The following CFAP97D2 variants were observed in gnomAD, a reference collection of about 807,000 sequenced individuals.
CFAP97D2 encodes the protein uncharacterized protein CFAP97D2.
At chr13:114,213,361 A>G (rs1052500882) in intron 4 of CFAP97D2, among the ~76,000 whole-genome samples, 6 of 146,980 alleles carry the variant, frequency 4.1e-5, no homozygotes, top group African/African-American at 1.5e-4. Flanking sequence ...AAGACCATGA[A>G]CCCCACCCCT....
rs777832456 is a variant in CFAP97D2 at position 114,222,193 on chromosome 13, G to A, written c.481-305G>A. On this transcript the variant is annotated intron_variant, in intron 4 of 4. Transcript: ENST00000646158. This position sits in a 1 kb window ranked among gnomAD's most constrained non-coding sequence, Gnocchi z 4.4. ...AAGTAATCAGTGGTTGTCGGGGCTG[G>A]GGGAAGGGAAATTGGGGAGTGATCC... 2.0e-5 allele frequency among the ~76,000 whole-genome samples: 3 copies of A among 152,174 alleles called. No individual in the cohort carries two copies. Among genetic ancestry groups the A allele is most frequent in the African/African-American group, 4.8e-5 (2 of 41,440 alleles).
At position 114,187,400 on chromosome 13, in the gene CFAP97D2, T is replaced by C. The variant is rs1048119545; in HGVS notation, c.90+7980T>C. Among the ~76,000 whole-genome samples the C allele has an allele frequency of 2.0e-5, 3 of 150,174 alleles. No homozygotes were observed. Among genetic ancestry groups the C allele is most frequent in the Non-Finnish European group, 4.4e-5 (3 of 67,596 alleles). On this transcript the variant is annotated intron_variant, in intron 1 of 4. Transcript: ENST00000646158. The surrounding 1 kb of genome is among the most constrained non-coding windows in gnomAD (Gnocchi z 4.2). ...GTTGTCCACAAGAAACCATTTTAAGTATAAAGACATATAGCTTAAAAGTAA... is the reference window on the plus strand; with the variant it reads ...GTTGTCCACAAGAAACCATTTTAAGCATAAAGACATATAGCTTAAAAGTAA...
At position 114,200,281 on chromosome 13, in the gene CFAP97D2, T is replaced by A. The variant is rs2080911302; in HGVS notation, c.172-44T>A. 7.6e-6 allele frequency: 3 copies of A among 396,200 alleles called. No homozygotes were observed. In the Admixed American group the frequency reaches 1.3e-4, roughly 18 times the overall value. The allele number at this position is 396,200 out of a possible 1,614,324, so 24.5% of individuals were successfully genotyped here. A position where few individuals can be genotyped will look rare whatever the true frequency, so the allele number is the denominator to read the frequency against. On this transcript the variant is annotated intron_variant, in intron 2 of 4. Coordinates refer to ENST00000646158, the Ensembl canonical transcript of CFAP97D2. ...CAGAAACGTGGCGTGAGGAAGAGCC[T>A]CGCAATCTGCCGGCGCTCCTCCAGC...
chr13:114,196,617 C>T (rs1181471689), intron 2 of CFAP97D2, 141 bp downstream of exon 2: 6 of 395,226 alleles, frequency 1.5e-5, no homozygotes, highest in African/African-American at 1.2e-4. Context: ...TTAATTAGCC[C>T]CGTCTGTCCG....
intron 4 of CFAP97D2, among the ~76,000 whole-genome samples, chr13:114,215,317 T>C (rs545716062): frequency 3.3e-4 from 51 of 152,356 alleles, no homozygotes; most frequent in African/African-American, 1.1e-3. Context: ...AGTAAGTATA[T>C]GTTATCAATA....
At chr13:114,209,355 C>T (rs2080956258) in intron 3 of CFAP97D2, among the ~76,000 whole-genome samples, 2 of 152,136 alleles carry the variant, frequency 1.3e-5, no homozygotes. Flanking sequence ...TAGGTGGTCT[C>T]ATAGAAGACC....
intron 4 of CFAP97D2, among the ~76,000 whole-genome samples, chr13:114,217,285 T>C (rs1034384329): frequency 6.6e-6 from 1 of 152,094 alleles, no homozygotes; most frequent in African/African-American, 2.4e-5. Context: ...CTAGAAGAAA[T>C]GGATAAATTC....
At chr13:114,197,247 C>G (rs936447444) in intron 2 of CFAP97D2, among the ~76,000 whole-genome samples, 9 of 152,136 alleles carry the variant, frequency 5.9e-5, no homozygotes, top group Non-Finnish European at 1.3e-4. Context: ...TGAAATATGT[C>G]AAATAAATAT....
At chr13:114,188,487 A>C (rs2080858344) in intron 1 of CFAP97D2, among the ~76,000 whole-genome samples, 1 of 152,130 alleles carries the variant, frequency 6.6e-6, no homozygotes, top group African/African-American at 2.4e-5. Context: ...TAAGAAACTC[A>C]AAAAAAGAGG....
rs2080824853 is a variant in CFAP97D2 at position 114,179,399 on chromosome 13, C to G, written c.69C>G (p.Ala23=). ...ACCTGTGGCATGCAAGGGAGAAAGC[C>G]TATCAGGACCACAGGAGAAAGGTAG... Residue 23 remains alanine, a synonymous_variant, in exon 1 of 5, where the codon GCC becomes GCG. Transcript: ENST00000646158. The surrounding 1 kb of genome is among the most constrained non-coding windows in gnomAD (Gnocchi z 4.8). 2.5e-6 allele frequency: 1 copy of G among 398,534 alleles called. No homozygotes were observed. The highest frequency in any genetic ancestry group is 2.1e-5 in the African/African-American group (1 of 48,640). The allele number at this position is 398,534 out of a possible 1,614,324, so 24.7% of individuals were successfully genotyped here. A position where few individuals can be genotyped will look rare whatever the true frequency, so the allele number is the denominator to read the frequency against.
chr13:114,215,340 C>T (rs1192640285), intron 4 of CFAP97D2, among the ~76,000 whole-genome samples: 1 of 152,034 alleles, frequency 6.6e-6, no homozygotes, highest in African/African-American at 2.4e-5. Flanking sequence ...TACCTTTTTT[C>T]TATTATCAAT....
In CFAP97D2 at chr13:114,179,557, A is replaced by G; in HGVS notation, c.90+137A>G. The G allele has an allele frequency of 2.5e-6, 1 of 395,818 alleles. No individual in the cohort carries two copies. The highest frequency in any genetic ancestry group is 4.4e-6 in the Non-Finnish European group (1 of 224,906). The allele number at this position is 395,818 out of a possible 1,614,324, so 24.5% of individuals were successfully genotyped here. On this transcript the variant is annotated intron_variant, in intron 1 of 4. Transcript: ENST00000646158. The surrounding 1 kb of genome is among the most constrained non-coding windows in gnomAD (Gnocchi z 4.8). ...CAGCATGGTTGAAATGACATTTCCTAACAAGATTCATCATCTATGTTGCCA... is the reference window on the plus strand; with the variant it reads ...CAGCATGGTTGAAATGACATTTCCTGACAAGATTCATCATCTATGTTGCCA...
In CFAP97D2 at chr13:114,187,620, G is replaced by GA. The variant is rs557441886; in HGVS notation, c.90+8206dup. ...TATCAAACTACTTGAGATACTACAA[G>GA]AAAAAATAGATGAATCCCCTTATCA... On this transcript the variant is annotated intron_variant, in intron 1 of 4. Coordinates refer to ENST00000646158, the Ensembl canonical transcript of CFAP97D2. The surrounding 1 kb of genome is among the most constrained non-coding windows in gnomAD (Gnocchi z 4.2). Among the ~76,000 whole-genome samples, 1,004 of 152,136 alleles carry GA rather than the reference G, an allele frequency of 6.6e-3. 4 individuals carry two copies. The highest frequency in any genetic ancestry group is 0.012 in the Non-Finnish European group (828 of 67,998).
At chr13:114,204,586 G>C (rs987674559) in intron 3 of CFAP97D2, among the ~76,000 whole-genome samples, 3 of 152,190 alleles carry the variant, frequency 2.0e-5, no homozygotes, top group African/African-American at 7.2e-5. Flanking sequence ...AGTGAGGAAA[G>C]AATAGTCTTT....
At chr13:114,213,154 C>T (rs1002136179) in intron 4 of CFAP97D2, among the ~76,000 whole-genome samples, 16 of 152,122 alleles carry the variant, frequency 1.1e-4, no homozygotes, top group East Asian at 1.9e-4. Flanking sequence ...TATATATAAC[C>T]GTTATATTGT....
chr13:114,199,372 A>G (rs1312845536), intron 2 of CFAP97D2, among the ~76,000 whole-genome samples: 1 of 70,520 alleles, frequency 1.4e-5, no homozygotes, highest in Non-Finnish European at 2.6e-5. Flanking sequence ...GTCCCCGCCG[A>G]GGCGTGACGG....
At chr13:114,202,365 G>A (rs79133334) in intron 3 of CFAP97D2, among the ~76,000 whole-genome samples, 8,131 of 152,208 alleles carry the variant, frequency 0.053, 388 homozygotes, top group African/African-American at 0.13. Flanking sequence ...CAGAATGACC[G>A]CATGAGGAGC....
At chr13:114,193,471 C>G (rs2080876067) in intron 1 of CFAP97D2, among the ~76,000 whole-genome samples, 1 of 152,080 alleles carries the variant, frequency 6.6e-6, no homozygotes, top group Non-Finnish European at 1.5e-5. Flanking sequence ...TGAGGATCTT[C>G]TTGCTGTGTC....
At chr13:114,183,402 A>T (rs1566610838) in intron 1 of CFAP97D2, among the ~76,000 whole-genome samples, 1 of 152,084 alleles carries the variant, frequency 6.6e-6, no homozygotes, top group Non-Finnish European at 1.5e-5. Flanking sequence ...TTCTGACCTC[A>T]GGTGATTAGC....
Sources: allele counts gnomAD v4.1 joint callset (sites outside exome capture counted in the v4.1 genomes callset), GRCh38; gene constraint gnomAD v4.1.1; non-coding constraint Gnocchi (gnomAD v3.1); transcripts MANE v1.5; gene names NCBI Gene and HGNC (gene_info 2026-07-23, HGNC 2026-07-21).